The following SEC14L5 variants were observed in gnomAD, a reference collection of about 807,000 sequenced individuals.
The protein encoded by SEC14L5 is SEC14-like protein 5.
A neutral mutation model predicts 84.6 loss-of-function variants in SEC14L5; 96 were observed. The observed-to-expected ratio is 1.13, with a 90% CI of 0.96 to 1.34. The LOEUF is 1.34. Among genes scored for constraint, SEC14L5 ranks in the 40% most tolerant of loss-of-function variants. The pLI, the probability that SEC14L5 is intolerant of heterozygous loss-of-function variation, is 0.00. For missense variants in SEC14L5, 1,224 were observed against 942.5 expected (o/e 1.30, Z -3.91); for synonymous variants, 546 against 383.4 (o/e 1.42, Z -4.95).
chr16:5,011,062 G>GCAGGGCCT (rs1955794189), intron 14 of SEC14L5, 33 bp from the exon 15 acceptor site: 5 of 1,560,026 alleles, frequency 3.2e-6, no homozygotes, highest in Non-Finnish European at 4.3e-6. Flanking sequence ...TCTGGAGGGC[G>GCAGGGCCT]CAGGGCCTCA....
intron 2 of SEC14L5, among the ~76,000 whole-genome samples, chr16:4,966,145 T>G (rs1955197624): frequency 6.6e-6 from 1 of 152,144 alleles, no homozygotes; most frequent in South Asian, 2.1e-4. Flanking sequence ...TTTTCTATTT[T>G]TTAGTAGAGA....
intron 6 of SEC14L5, among the ~76,000 whole-genome samples, chr16:4,995,419 A>G (rs1221516996): frequency 6.6e-6 from 1 of 152,146 alleles, no homozygotes; most frequent in Non-Finnish European, 1.5e-5. Context: ...CCAGGCTGCT[A>G]AAGAGAGCAT....
rs544554582 is a variant in SEC14L5 at position 5,018,849 on chromosome 16, T to C, written c.*3879T>C. 2 of 152,354 alleles carry C rather than the reference T, an allele frequency of 1.3e-5. No homozygotes were observed. The highest frequency in any genetic ancestry group is 1.9e-4 in the East Asian group (1 of 5,188). 9.4% of individuals were successfully genotyped at this position (152,354 alleles called of 1,614,324 possible). A position where few individuals can be genotyped will look rare whatever the true frequency, so the allele number is the denominator to read the frequency against. ...TCCCCCTCCCTGCTGTAAAATTTAT[T>C]GTCCAATGAGAATAGTATAATTGTT... On this transcript the variant is annotated 3_prime_UTR_variant, in exon 16 of 16. Transcript: ENST00000251170.
chr16:4,982,088 C>T (rs1424245331), intron 2 of SEC14L5, among the ~76,000 whole-genome samples: 1 of 152,136 alleles, frequency 6.6e-6, no homozygotes, highest in Non-Finnish European at 1.5e-5. Context: ...CAGCAACTGA[C>T]ATGGAGATAT....
In SEC14L5 at chr16:5,016,491, C is replaced by G. The variant is rs907644561; in HGVS notation, c.*1521C>G. ...GCATGAAGACAACACCTCTGCACCC[C>G]TGGATGTGGCCACGCCAGTCCCTAC... On this transcript the variant is annotated 3_prime_UTR_variant, in exon 16 of 16. Coordinates refer to ENST00000251170, the MANE Select transcript of SEC14L5 (RefSeq NM_014692.2). 3 of 152,244 alleles carry G rather than the reference C, an allele frequency of 2.0e-5. No individual in the cohort carries two copies. Among genetic ancestry groups the G allele is most frequent in the African/African-American group, 7.2e-5 (3 of 41,456 alleles). 9.4% of individuals were successfully genotyped at this position (152,244 alleles called of 1,614,324 possible). A position where few individuals can be genotyped will look rare whatever the true frequency, so the allele number is the denominator to read the frequency against.
At chr16:4,980,853 C>T (rs1955414571) in intron 2 of SEC14L5, among the ~76,000 whole-genome samples, 4 of 152,172 alleles carry the variant, frequency 2.6e-5, no homozygotes, top group Admixed American at 1.3e-4. Flanking sequence ...CCTCCTACCC[C>T]TCCAGAAAGC....
At chr16:4,985,303 G>T (rs1362260033) in intron 2 of SEC14L5, among the ~76,000 whole-genome samples, 2 of 152,064 alleles carry the variant, frequency 1.3e-5, no homozygotes, top group South Asian at 4.1e-4. Context: ...TCGCCTCACT[G>T]CAACCTCCGC....
At position 5,007,502 on chromosome 16, in the gene SEC14L5, C is replaced by T. The variant is rs113109696; in HGVS notation, c.1572+16C>T. 4.3e-5 allele frequency: 70 copies of T among 1,611,030 alleles called. 1 individual carries two copies. Among genetic ancestry groups the T allele is most frequent in the African/African-American group, 2.3e-4 (17 of 75,002 alleles). ...CCCCCACGAGGTGCCAGGGCCTGGC[C>T]GGGGAGGGCCCGCTGAGCTGGAGTG... On this transcript the variant is annotated intron_variant, in intron 13 of 15. Coordinates refer to ENST00000251170, the MANE Select transcript of SEC14L5 (RefSeq NM_014692.2).
At position 4,985,311 on chromosome 16, in the gene SEC14L5, C is replaced by T. The variant is rs964556000; in HGVS notation, c.64-2246C>T. 2.5e-4 allele frequency among the ~76,000 whole-genome samples: 38 copies of T among 152,056 alleles called. 1 individual carries two copies. Among genetic ancestry groups the T allele is most frequent in the African/African-American group, 8.0e-4 (33 of 41,390 alleles). On this transcript the variant is annotated intron_variant, in intron 2 of 15. Coordinates refer to ENST00000251170, the MANE Select transcript of SEC14L5 (RefSeq NM_014692.2). ...CACAATGTCGCCTCACTGCAACCTC[C>T]GCCTCCTGGGTTCAAGTGATTCTCC... is the stretch of plus-strand genomic sequence containing the variant.
At chr16:4,999,070 TG>T (rs1955647348) in intron 8 of SEC14L5, among the ~76,000 whole-genome samples, 1 of 152,224 alleles carries the variant, frequency 6.6e-6, no homozygotes, top group Admixed American at 6.5e-5. Context: ...GTCCTTTTTG[TG>T]GCCTATTTAA....
intron 15 of SEC14L5, among the ~76,000 whole-genome samples, chr16:5,013,485 C>T (rs1429945209): frequency 6.7e-6 from 1 of 148,450 alleles, no homozygotes; most frequent in Non-Finnish European, 1.5e-5. Flanking sequence ...CTCCCGGGCT[C>T]AAGCAATCCT....
At chr16:4,996,169 G>T (rs754186011) in intron 6 of SEC14L5, among the ~76,000 whole-genome samples, 179 bp from the exon 7 acceptor site, 2 of 152,192 alleles carry the variant, frequency 1.3e-5, no homozygotes, top group Non-Finnish European at 2.9e-5. Context: ...CCTTGGACAT[G>T]GGCTGGAGAA....
chr16:4,976,071 C>G (rs1955335098), intron 2 of SEC14L5, among the ~76,000 whole-genome samples: 2 of 152,182 alleles, frequency 1.3e-5, no homozygotes, highest in Admixed American at 6.5e-5. Flanking sequence ...GCTTTTTGTA[C>G]TTTACAGAAT....
intron 8 of SEC14L5, among the ~76,000 whole-genome samples, chr16:4,999,617 C>G (rs779363251): frequency 2.6e-5 from 4 of 151,786 alleles, no homozygotes; most frequent in Admixed American, 6.6e-5. Context: ...GAAACCCTGC[C>G]TCAAAGAACA....
At chr16:4,962,635 C>A (rs555835459) in intron 2 of SEC14L5, among the ~76,000 whole-genome samples, 1 of 146,262 alleles carries the variant, frequency 6.8e-6, no homozygotes, top group South Asian at 2.1e-4. Context: ...TTGCAGGGAG[C>A]CGAGATCGTG....
intron 2 of SEC14L5, among the ~76,000 whole-genome samples, chr16:4,983,742 T>C (rs1429344021): frequency 3.3e-5 from 5 of 151,790 alleles, no homozygotes; most frequent in Admixed American, 1.3e-4. Flanking sequence ...CAGGGTGTAG[T>C]GGCGTGTGCC....
At chr16:4,973,910 C>G (rs757469694) in intron 2 of SEC14L5, among the ~76,000 whole-genome samples, 33 of 152,164 alleles carry the variant, frequency 2.2e-4, no homozygotes, top group African/African-American at 6.0e-4. Flanking sequence ...TCTTGAACTC[C>G]TCACCTCAGG....
chr16:4,987,499 G>GAGGC, intron 2 of SEC14L5, 58 bp from the exon 3 acceptor site: 1 of 1,298,420 alleles, frequency 7.7e-7, no homozygotes, highest in South Asian at 1.5e-5. Context: ...GGTCGCGCTG[G>GAGGC]GGGGGGGGGT....
rs1041548782 is a variant in SEC14L5, at chr16:5,015,051, C to A, written c.*81C>A. The A allele has an allele frequency of 9.7e-6, 11 of 1,133,794 alleles. No homozygotes were observed. Among genetic ancestry groups the A allele is most frequent in the South Asian group, 1.3e-5 (1 of 74,690 alleles). The allele number at this position is 1,133,794 out of a possible 1,614,324, so 70.2% of individuals were successfully genotyped here. ...AATGAGAAGCCAGCTAACTGCAGGGCCTGGGACCATGTGGGCTGGAGCCCC... is the reference window on the plus strand; with the variant it reads ...AATGAGAAGCCAGCTAACTGCAGGGACTGGGACCATGTGGGCTGGAGCCCC... On this transcript the variant is annotated 3_prime_UTR_variant, in exon 16 of 16. Transcript: ENST00000251170.
Sources: allele counts gnomAD v4.1 joint callset (sites outside exome capture counted in the v4.1 genomes callset), GRCh38; gene constraint gnomAD v4.1.1; transcripts MANE v1.5; gene names NCBI Gene and HGNC (gene_info 2026-07-23, HGNC 2026-07-21).